Variants in CDK5RAP3 observed in about 807,000 individuals in gnomAD.
CDK5RAP3 encodes the protein CDK5 regulatory subunit-associated protein 3.
In CDK5RAP3, 58 loss-of-function variants were observed where a neutral mutation model predicts 73.3. The ratio of observed to expected loss-of-function variants is 0.79; its 90% CI spans 0.64 to 0.98. CDK5RAP3 has a LOEUF of 0.98. Among genes scored for constraint, CDK5RAP3 ranks in the 50% least tolerant of loss-of-function variants. The pLI is 0.00. For missense variants in CDK5RAP3, 525 were observed against 615.8 expected (o/e 0.85, Z 1.56); for synonymous variants, 224 against 247.5 (o/e 0.91, Z 0.89).
At chr17:47,974,607 A>G in intron 5 of CDK5RAP3, 159 bp downstream of exon 5, 1 of 1,460,018 alleles carries the variant, frequency 6.8e-7, no homozygotes, top group Non-Finnish European at 9.0e-7. Context: ...TTTTTGATGG[A>G]ATTGATTTTC....
In CDK5RAP3 at chr17:47,980,725, G is replaced by A. The variant is rs2036532749; in HGVS notation, c.1210G>A (p.Val404Met). ...TKEKMVTMVS[V>M]LEDLIGKLTS... ...AGAGAAGATGGTTACCATGGTGTCA[G>A]TGCTGGAGGATCTGATTGGCAAGCT... The change falls in exon 12 of 14, where the codon GTG (valine) becomes ATG (methionine). Residue 404 changes from valine to methionine, a missense_variant. Physicochemically the swap from Val to Met is conservative, Grantham distance 21 (BLOSUM62 1). Transcript: ENST00000338399. The A allele has an allele frequency of 1.2e-6, 2 of 1,614,084 alleles. No individual in the cohort carries two copies. Among genetic ancestry groups the A allele is most frequent in the African/African-American group, 1.3e-5 (1 of 74,932 alleles).
intron 8 of CDK5RAP3, 147 bp downstream of exon 8, chr17:47,976,160 A>G: frequency 2.9e-6 from 3 of 1,030,906 alleles, no homozygotes; most frequent in Non-Finnish European, 4.1e-6. Context: ...AGGAGGCCCT[A>G]CTCCTTTATT....
chr17:47,971,313 C>A, intron 1 of CDK5RAP3, 49 bp from the exon 2 acceptor site: 1 of 1,587,522 alleles, frequency 6.3e-7, no homozygotes, highest in Non-Finnish European at 8.6e-7. Context: ...GCGAGTGGTA[C>A]GTCCTCTCTC....
In CDK5RAP3 at chr17:47,978,837, G is replaced by A; in HGVS notation, c.997G>A (p.Gly333Ser). 2 of 1,613,714 alleles carry A rather than the reference G, an allele frequency of 1.2e-6. No homozygotes were observed. Among genetic ancestry groups the A allele is most frequent in the Non-Finnish European group, 1.7e-6 (2 of 1,179,720 alleles). ...CTGTCTCTTCCTGGCAGCTCCAGAA[G>A]GTGTTGCCAGGGGCCCAGATGCCCT... is the stretch of plus-strand genomic sequence containing the variant. ...VLEAGTQAPE[G>S]VARGPDALTL... Residue 333 changes from glycine to serine, a missense_variant, in exon 11 of 14, where the codon GGT becomes AGT. Around this residue, in one of 2 missense-constraint regions of CDK5RAP3, gnomAD observed 409 missense variants for 429.8 expected, o/e 0.95. Coordinates refer to ENST00000338399, the MANE Select transcript of CDK5RAP3 (RefSeq NM_176096.3).
intron 3 of CDK5RAP3, 57 bp downstream of exon 3, chr17:47,973,707 G>A: frequency 6.3e-7 from 1 of 1,598,076 alleles, no homozygotes; most frequent in Non-Finnish European, 8.6e-7. Flanking sequence ...GTATGTATCA[G>A]CTGAGCTACT....
intron 9 of CDK5RAP3, 27 bp downstream of exon 9, chr17:47,976,849 T>C (rs953884096): frequency 1.4e-6 from 2 of 1,402,740 alleles, no homozygotes; most frequent in African/African-American, 2.8e-5. Flanking sequence ...AGTCTGTCTC[T>C]CTCTGATCAC....
At chr17:47,980,294 A>C (rs1177258849) in intron 11 of CDK5RAP3, 2 of 286,548 alleles carry the variant, frequency 7.0e-6, no homozygotes, top group African/African-American at 4.4e-5. Flanking sequence ...TTTTTTAAAA[A>C]GAGTTTCTCT....
At chr17:47,976,469 C>T (rs1369250653) in intron 8 of CDK5RAP3, 4 of 423,600 alleles carry the variant, frequency 9.4e-6, no homozygotes, top group Non-Finnish European at 1.3e-5. Flanking sequence ...AAGCGATCCT[C>T]CCAAGTCAGC....
At chr17:47,970,945 C>T (rs1470922822), upstream of CDK5RAP3, 3 of 1,452,840 alleles carry the variant, frequency 2.1e-6, no homozygotes, top group African/African-American at 1.4e-5. Flanking sequence ...CCGCCCCTCC[C>T]GAGCTCAGCC....
intron 11 of CDK5RAP3, chr17:47,980,003 A>G (rs1185072331): frequency 6.5e-6 from 1 of 153,022 alleles, no homozygotes; most frequent in Non-Finnish European, 1.5e-5. Flanking sequence ...CAAAATAAAT[A>G]CCTTCCCTGG....
chr17:47,972,569 C>T (rs1215460625), intron 2 of CDK5RAP3, among the ~76,000 whole-genome samples: 3 of 152,126 alleles, frequency 2.0e-5, no homozygotes, highest in Admixed American at 1.3e-4. Flanking sequence ...TTTAGCCTCC[C>T]TTCAGATTTG....
At position 47,974,045 on chromosome 17, in the gene CDK5RAP3, A is replaced by G. The variant is rs771856946; in HGVS notation, c.285+14A>G. The G allele has an allele frequency of 6.4e-7, 1 of 1,574,490 alleles. No homozygotes were observed. Among genetic ancestry groups the G allele is most frequent in the Non-Finnish European group, 8.7e-7 (1 of 1,143,784 alleles). On this transcript the variant is annotated intron_variant, in intron 4 of 13. Coordinates refer to ENST00000338399, the MANE Select transcript of CDK5RAP3 (RefSeq NM_176096.3). Reference sequence around the variant, plus strand: ...CAGCGGATGAAGGCAAGTGTGGGCCAAGGGCCGGTAGTATGTGGTTGGGGA... The same window carrying G: ...CAGCGGATGAAGGCAAGTGTGGGCCGAGGGCCGGTAGTATGTGGTTGGGGA...
intron 9 of CDK5RAP3, 150 bp from the exon 10 acceptor site, chr17:47,977,682 T>A (rs1363525030): frequency 7.9e-6 from 5 of 634,262 alleles, no homozygotes; most frequent in Non-Finnish European, 1.4e-5. Flanking sequence ...TGGGCCATAC[T>A]GCCATTTTTG....
Position 47,980,280 on chromosome 17 carries a change from CT to C in CDK5RAP3, c.1078-304del, listed in dbSNP as rs371210948. 8.4e-4 allele frequency: 236 copies of C among 281,210 alleles called. 1 individual carries two copies. Among genetic ancestry groups the C allele is most frequent in the Admixed American group, 1.3e-3 (26 of 20,542 alleles). The allele number at this position is 281,210 out of a possible 1,614,324, so 17.4% of individuals were successfully genotyped here. A position where few individuals can be genotyped will look rare whatever the true frequency, so the allele number is the denominator to read the frequency against. On this transcript the variant is annotated intron_variant, in intron 11 of 13. Coordinates refer to ENST00000338399, the MANE Select transcript of CDK5RAP3 (RefSeq NM_176096.3). ...ATTTATCTTCTTTTTTTCTTTCTTC[CT>C]TTTTTTTTAAAAAGAGTTTCTCTGT...
rs374509909 is a variant in CDK5RAP3, at chr17:47,975,935, G to A, written c.720G>A (p.Glu240=). 3 of 1,614,092 alleles carry A rather than the reference G, an allele frequency of 1.9e-6. No homozygotes were observed. In the African/African-American group the frequency reaches 4.0e-5, roughly 22 times the overall value. ...VQKRGNSTVY[E]WRTGTEPSVV... ...AGCGGGGAAACTCAACGGTGTACGA[G>A]TGGAGGACAGGGACAGAGCCCTCTG... is the stretch of plus-strand genomic sequence containing the variant. The change falls in exon 8 of 14, where the codon GAG becomes GAA. Residue 240 remains glutamate, a synonymous_variant. Transcript: ENST00000338399.
chr17:47,972,112 A>T lies in CDK5RAP3; in HGVS notation c.52+705A>T, dbSNP rs1159568194. Among the ~76,000 whole-genome samples, 2 of 150,302 alleles carry T rather than the reference A, an allele frequency of 1.3e-5. 1 individual carries two copies. On this transcript the variant is annotated intron_variant, in intron 2 of 13. Coordinates refer to ENST00000338399, the MANE Select transcript of CDK5RAP3 (RefSeq NM_176096.3). ...TGCCAGGAAAAAAAAAAAAAACCTC[A>T]TTTAAAAAGCTTCCACCTCCCCCTT...
upstream of CDK5RAP3, chr17:47,971,072 G>C: frequency 2.6e-6 from 4 of 1,550,720 alleles, no homozygotes; most frequent in Non-Finnish European, 3.5e-6. Flanking sequence ...ACGGAGGCTC[G>C]GCCACAACGC....
At chr17:47,970,946 G>T (rs2036243978), upstream of CDK5RAP3, 9 of 1,453,392 alleles carry the variant, frequency 6.2e-6, no homozygotes, top group African/African-American at 1.4e-5. Flanking sequence ...CGCCCCTCCC[G>T]AGCTCAGCCA....
At position 47,975,526 on chromosome 17, in the gene CDK5RAP3, C is replaced by T. The variant is rs894254257; in HGVS notation, c.526C>T (p.Arg176Ter). 8 of 1,610,898 alleles carry T rather than the reference C, an allele frequency of 5.0e-6. No individual in the cohort carries two copies. Among genetic ancestry groups the T allele is most frequent in the Admixed American group, 3.3e-5 (2 of 59,992 alleles). Residue 176 changes from arginine to a stop codon, truncating the protein, a stop_gained, in exon 7 of 14, where the codon CGA becomes TGA. Coordinates refer to ENST00000338399, the MANE Select transcript of CDK5RAP3 (RefSeq NM_176096.3). LOFTEE classifies it high-confidence loss of function. ...CTCCCCTCTCTAGGGCGAAAATGTC[C>T]GAGGAGAACTGCTGGCCCTGGTGAA... ...KQYGITGENV[R>*]GELLALVKDL...
Sources: gnomAD v4.1 joint callset for allele counts (sites outside exome capture counted in the v4.1 genomes callset) on GRCh38, gnomAD v4.1.1 for gene constraint, gnomAD v4.1.1 regional missense constraint, MANE v1.5 for transcripts, NCBI Gene and HGNC (gene_info 2026-07-23, HGNC 2026-07-21) for gene names.